CA4: variants seen among roughly 807,000 people sequenced by gnomAD.
CA4 encodes carbonic anhydrase 4, also known as CA-IV.
In CA4, 24 loss-of-function variants were observed where a neutral mutation model predicts 34.5. The observed-to-expected ratio is 0.70, with a 90% CI of 0.50 to 0.98. The LOEUF is 0.98. CA4 is among the 50% of genes least tolerant of loss of function. The pLI, the probability that CA4 is intolerant of heterozygous loss-of-function variation, is 0.00. For missense variants in CA4, 394 were observed against 396.7 expected (o/e 0.99, Z 0.06); for synonymous variants, 178 against 170.6 (o/e 1.04, Z -0.34).
intron 5 of CA4, among the ~76,000 whole-genome samples, chr17:60,168,846 G>A (rs1264674208): frequency 1.3e-5 from 2 of 152,156 alleles, no homozygotes; most frequent in South Asian, 4.1e-4. Flanking sequence ...GGGAGAGTGG[G>A]TCTTTGCAGG....
chr17:60,169,178 C>T (rs556477454), intron 5 of CA4, among the ~76,000 whole-genome samples: 11 of 149,826 alleles, frequency 7.3e-5, no homozygotes, highest in Admixed American at 2.7e-4. Context: ...GCCTGGGAGG[C>T]GGAGGTTGCA....
At chr17:60,157,085 A>G (rs2145271650) in intron 3 of CA4, 1 of 518,846 alleles carries the variant, frequency 1.9e-6, no homozygotes, top group Non-Finnish European at 3.5e-6. Context: ...CTGGGGCCCA[A>G]GGGCAGATCA....
At position 60,157,565 on chromosome 17, in the gene CA4, C is replaced by T. The variant is rs1567730902; in HGVS notation, c.407C>T (p.Ala136Val). 2 of 1,614,202 alleles carry T rather than the reference C, an allele frequency of 1.2e-6. No individual in the cohort carries two copies. The highest frequency in any genetic ancestry group is 2.2e-5 in the East Asian group (1 of 44,876). The change falls in exon 4 of 8, where the codon GCC (alanine) becomes GTC (valine). Residue 136 changes from alanine to valine, a missense_variant. Ala to Val is a moderately conservative substitution (Grantham distance 64). Transcript: ENST00000300900. ...SEHSLDGEHFAMEMHIVHEKE... is the reference protein window; with the variant it reads ...SEHSLDGEHFVMEMHIVHEKE... ...CACAGCCTCGATGGGGAGCACTTTG[C>T]CATGGAGGTGAGGGCCCCTTCCCGA...
chr17:60,162,977 C>T (rs114812383), downstream of CA4, among the ~76,000 whole-genome samples: 1,457 of 152,296 alleles, frequency 9.6e-3, 33 homozygotes, highest in African/African-American at 0.034. Context: ...CCCAGTGGGC[C>T]GCCTCTTTGG....
At chr17:60,169,394 C>T (rs375268789) in intron 5 of CA4, among the ~76,000 whole-genome samples, 61 of 152,280 alleles carry the variant, frequency 4.0e-4, no homozygotes, top group African/African-American at 1.3e-3. Context: ...AAACTATCAA[C>T]GTAAACACAA....
rs1597995784 is a variant in CA4, at chr17:60,158,277, T to C, written c.581-6T>C. 6.2e-7 allele frequency: 1 copy of C among 1,614,034 alleles called. No homozygotes were observed. Among genetic ancestry groups the C allele is most frequent in the Non-Finnish European group, 8.5e-7 (1 of 1,179,988 alleles). On this transcript the variant is annotated splice_region_variant and splice_polypyrimidine_tract_variant and intron_variant, in intron 6 of 7. Transcript: ENST00000300900. ...TCACTGACAGTGTCCTCTGCCCCTA[T>C]CTCAGAGATGAGCACTACGATGGCA...
chr17:60,157,065 GGCAGCTGGGCT>G, intron 3 of CA4: 1 of 516,250 alleles, frequency 1.9e-6, no homozygotes, highest in Non-Finnish European at 3.5e-6. Flanking sequence ...AAGGCCCAGG[GGCAGCTGGGCT>G]GGGGCCCAAG....
chr17:60,150,940 T>C (rs1000174934), intron 1 of CA4, among the ~76,000 whole-genome samples: 17 of 121,228 alleles, frequency 1.4e-4, no homozygotes, highest in Admixed American at 1.4e-3. Flanking sequence ...GGGCGGGGGG[T>C]GGGGGACCCG....
rs201908139 is a variant in CA4, at chr17:60,157,588, C to T, written c.414+16C>T. The stretch of plus-strand genomic sequence containing the variant: ...TGCCATGGAGGTGAGGGCCCCTTCC[C>T]GACTGGGACCTTGTCTGGGCTCTGG... On this transcript the variant is annotated intron_variant, in intron 4 of 7. Transcript: ENST00000300900. The T allele has an allele frequency of 9.5e-5, 154 of 1,614,190 alleles. No homozygotes were observed. The highest frequency in any genetic ancestry group is 1.7e-4 in the Middle Eastern group (1 of 6,060).
At chr17:60,157,188 T>C (rs2083702597) in intron 3 of CA4, among the ~76,000 whole-genome samples, 1 of 152,102 alleles carries the variant, frequency 6.6e-6, no homozygotes, top group African/African-American at 2.4e-5. Context: ...GAGCTGCAGT[T>C]TGGGGCAGTG....
chr17:60,158,393 GAGA>G lies in CA4; in HGVS notation c.694_696del (p.Lys232del), dbSNP rs1441359826. 2 of 1,614,144 alleles carry G rather than the reference GAGA, an allele frequency of 1.2e-6. No individual in the cohort carries two copies. Among genetic ancestry groups the G allele is most frequent in the East Asian group, 4.5e-5 (2 of 44,872 alleles). On this transcript the variant is annotated inframe_deletion, in exon 7 of 8. Transcript: ENST00000300900. ...CTCACTCACCACACCGACCTGCGAT[GAGA>G]AGGTCGTCTGGACTGTGTTCCGGGA... is the stretch of plus-strand genomic sequence containing the variant.
intron 1 of CA4, among the ~76,000 whole-genome samples, chr17:60,153,481 CCTA>C (rs2083625344): frequency 6.6e-6 from 1 of 152,298 alleles, no homozygotes; most frequent in South Asian, 2.1e-4. Flanking sequence ...TTGGGAATGT[CCTA>C]CTCTGTCTAT....
the CA4 span, among the ~76,000 whole-genome samples, chr17:60,176,442 T>C: frequency 2.0e-5 from 3 of 151,528 alleles, no homozygotes; most frequent in African/African-American, 7.3e-5. Flanking sequence ...TCTCCTTGGA[T>C]CTCCCAGACA....
Position 60,156,530 on chromosome 17 carries a change from A to G in CA4, c.113-30A>G, listed in dbSNP as rs368894436. On this transcript the variant is annotated intron_variant, in intron 2 of 7. Coordinates refer to ENST00000300900, the MANE Select transcript of CA4 (RefSeq NM_000717.5). ...GCTACACCTTGGTGCCAGGCACCCG[A>G]CTCTCAGCCCACCTTCTCTCCCTGC... 5.6e-6 allele frequency: 9 copies of G among 1,613,374 alleles called. No individual in the cohort carries two copies. In the African/African-American group the frequency reaches 9.3e-5, roughly 17 times the overall value.
At chr17:60,160,763 AAAGAG>A (rs2083778494), downstream of CA4, among the ~76,000 whole-genome samples, 1 of 150,954 alleles carries the variant, frequency 6.6e-6, no homozygotes, top group African/African-American at 2.4e-5. Context: ...AAAAAAAAAA[AAAGAG>A]AGAATTCAGG....
the CA4 span, among the ~76,000 whole-genome samples, chr17:60,178,317 T>C: frequency 6.6e-6 from 1 of 152,240 alleles, no homozygotes. Context: ...CAACCACTAA[T>C]TGTGAAACGT....
intron 7 of CA4, 141 bp from the exon 8 acceptor site, chr17:60,159,089 G>A (rs2083748456): frequency 1.1e-5 from 8 of 745,302 alleles, no homozygotes; most frequent in Middle Eastern, 3.3e-4. Context: ...TCATCTTCAC[G>A]ACCACCTTGA....
In CA4 at chr17:60,157,516, G is replaced by T; in HGVS notation, c.358G>T (p.Asp120Tyr). The part of the protein sequence containing the change: ...QAKQLHLHWS[D>Y]LPYKGSEHSL... ...CAAACAGTTGCACCTGCACTGGTCC[G>T]ACTTGCCATATAAGGGCTCGGAGCA... The change falls in exon 4 of 8, where the codon GAC becomes TAC. Residue 120 changes from aspartate to tyrosine, a missense_variant. By Grantham distance (160) the Asp-to-Tyr change is radical. Transcript: ENST00000300900. 1 of 1,614,186 alleles carries T rather than the reference G, an allele frequency of 6.2e-7. No individual in the cohort carries two copies. Among genetic ancestry groups the T allele is most frequent in the Non-Finnish European group, 8.5e-7 (1 of 1,180,030 alleles).
intron 5 of CA4, among the ~76,000 whole-genome samples, chr17:60,165,077 T>G (rs1045458911): frequency 1.3e-5 from 2 of 152,138 alleles, no homozygotes; most frequent in African/African-American, 4.8e-5. Flanking sequence ...TTATAATTAT[T>G]ATGATGATTC....
Sources: gnomAD v4.1 joint callset for allele counts (sites outside exome capture counted in the v4.1 genomes callset) on GRCh38, gnomAD v4.1.1 for gene constraint, MANE v1.5 for transcripts, NCBI Gene and HGNC (gene_info 2026-07-23, HGNC 2026-07-21) for gene names.